NPAS3: variants seen among roughly 807,000 people sequenced by gnomAD.
NPAS3 encodes the protein neuronal PAS domain protein 3.
NPAS3 carries 14 observed loss-of-function variants against 73.1 expected under a neutral mutation model. The observed-to-expected ratio is 0.19, with a 90% CI of 0.13 to 0.30. NPAS3 has a LOEUF of 0.30. Ranked by LOEUF, NPAS3 falls within the 10% of genes least tolerant of loss-of-function variation. NPAS3 has a pLI of 1.00. For synonymous variants in NPAS3, 620 were observed against 541.5 expected (o/e 1.14, Z -2.01); for missense variants, 1,096 against 1,250.0 (o/e 0.88, Z 1.86).
At chr14:33,214,427 T>G (rs2139671736) in intron 2 of NPAS3, 1 of 152,358 alleles carries the variant, frequency 6.6e-6, no homozygotes, top group African/African-American at 2.4e-5. Context: ...CATACAGCGC[T>G]TTATCTTTCA....
At position 33,731,699 on chromosome 14, in the gene NPAS3, C is replaced by T. The variant is rs543658982; in HGVS notation, c.734-3515C>T. ...GTGGAGTAATTCAGATATCATTTCA[C>T]ATTATGGTGGCATTTGCCAACATAA... On this transcript the variant is annotated intron_variant, in intron 6 of 11. Coordinates refer to ENST00000356141, the Ensembl canonical transcript of NPAS3. 2.0e-5 allele frequency among the ~76,000 whole-genome samples: 3 copies of T among 152,288 alleles called. No homozygotes were observed. The South Asian group carries it at 6.2e-4, about 32-fold the overall frequency.
intron 4 of NPAS3, among the ~76,000 whole-genome samples, chr14:33,438,709 G>A (rs2049100726): frequency 6.6e-6 from 1 of 152,094 alleles, no homozygotes; most frequent in Non-Finnish European, 1.5e-5. Flanking sequence ...GCCTCTAACT[G>A]TGGTAATAAA....
At chr14:33,004,660 T>A (rs1424907561) in intron 1 of NPAS3, among the ~76,000 whole-genome samples, 1 of 152,112 alleles carries the variant, frequency 6.6e-6, no homozygotes, top group Non-Finnish European at 1.5e-5. Flanking sequence ...AACCTTAGCT[T>A]ACTATAACTA....
At chr14:33,450,552 A>C (rs567963169) in intron 4 of NPAS3, among the ~76,000 whole-genome samples, 1 of 152,202 alleles carries the variant, frequency 6.6e-6, no homozygotes, top group Non-Finnish European at 1.5e-5. Flanking sequence ...TATGTTCTCA[A>C]TTTTTCAGTT....
chr14:33,022,061 C>T (rs1595249800), intron 1 of NPAS3, among the ~76,000 whole-genome samples: 1 of 152,158 alleles, frequency 6.6e-6, no homozygotes, highest in East Asian at 1.9e-4. Flanking sequence ...GTACTTTTCC[C>T]ACCTTATTCA....
At chr14:33,129,592 A>G (rs1018906015) in intron 2 of NPAS3, among the ~76,000 whole-genome samples, 3 of 152,168 alleles carry the variant, frequency 2.0e-5, no homozygotes, top group Non-Finnish European at 2.9e-5. Flanking sequence ...GATAGTTTGT[A>G]TCTTCCACAC....
intron 3 of NPAS3, among the ~76,000 whole-genome samples, chr14:33,348,471 T>G (rs1315126): frequency 0.89 from 135,680 of 152,160 alleles, 60,797 homozygotes; most frequent in African/African-American, 0.97. Flanking sequence ...CTGAAGAGAG[T>G]GCTAGTCATG....
rs776270084 is a variant in NPAS3, at chr14:33,800,918, A to T, written c.2611A>T (p.Met871Leu). Residue 871 changes from methionine to leucine, a missense_variant, in exon 12 of 12, where the codon ATG becomes TTG. Transcript: ENST00000356141. The surrounding 1 kb of genome is among the most constrained non-coding windows in gnomAD (Gnocchi z 6.5). The stretch of plus-strand genomic sequence containing the variant: ...CCTCGACCCCAAGACGCCCATGGAG[A>T]TGCTCTACCACCACGTGCACCGGCT... The T allele has an allele frequency of 6.2e-7, 1 of 1,608,674 alleles. No homozygotes were observed. Among genetic ancestry groups the T allele is most frequent in the South Asian group, 1.1e-5 (1 of 89,862 alleles).
At chr14:33,687,411 G>A (rs2060120776) in intron 6 of NPAS3, among the ~76,000 whole-genome samples, 1 of 151,924 alleles carries the variant, frequency 6.6e-6, no homozygotes, top group South Asian at 2.1e-4. Context: ...CTCATCAGAG[G>A]GCATCCTCTC....
At chr14:33,748,964 G>T (rs1302468709) in intron 7 of NPAS3, among the ~76,000 whole-genome samples, 1 of 152,156 alleles carries the variant, frequency 6.6e-6, no homozygotes, top group Non-Finnish European at 1.5e-5. Flanking sequence ...AGGCTAGTTT[G>T]AGAATCTGAA....
chr14:33,727,135 G>A (rs2061289169), intron 6 of NPAS3, among the ~76,000 whole-genome samples: 1 of 152,164 alleles, frequency 6.6e-6, no homozygotes, highest in Admixed American at 6.6e-5. Flanking sequence ...TGCCTGAGAT[G>A]GAGATTTGGC....
chr14:33,784,745 A>ATTTTTTTTTTTTATTTTTTTTTTTTT (rs2063103673), intron 9 of NPAS3, among the ~76,000 whole-genome samples: 1 of 73,838 alleles, frequency 1.4e-5, no homozygotes, highest in African/African-American at 6.3e-5. Context: ...TTATTTATTT[A>ATTTTTTTTTTTTATTTTTTTTTTTTT]TTTTTTTTTT....
chr14:33,091,232 T>C (rs148851999), intron 2 of NPAS3, among the ~76,000 whole-genome samples: 15,113 of 152,074 alleles, frequency 0.099, 1,223 homozygotes, highest in African/African-American at 0.22. Flanking sequence ...ACAAAATTGA[T>C]AGACTGCCAG....
chr14:33,291,533 G>T (rs2042099821), intron 3 of NPAS3, among the ~76,000 whole-genome samples: 1 of 152,180 alleles, frequency 6.6e-6, no homozygotes, highest in African/African-American at 2.4e-5. Context: ...TGAAAGAAAT[G>T]AATTTGTAAT....
intron 3 of NPAS3, among the ~76,000 whole-genome samples, chr14:33,348,039 G>C (rs1160236687): frequency 2.6e-5 from 4 of 152,104 alleles, no homozygotes; most frequent in African/African-American, 9.7e-5. Context: ...TTTCCTGCAG[G>C]GGGAGAGAGG....
At chr14:33,561,000 G>A (rs112184144) in intron 5 of NPAS3, among the ~76,000 whole-genome samples, 217 of 152,286 alleles carry the variant, frequency 1.4e-3, no homozygotes, top group African/African-American at 5.0e-3. Flanking sequence ...CTGGGTATTT[G>A]CGCCCATACA....
chr14:33,433,543 C>G lies in NPAS3; in HGVS notation c.468+66275C>G, dbSNP rs142872251. On this transcript the variant is annotated intron_variant, in intron 4 of 11. Transcript: ENST00000356141. ...GACCAGGTAACTTTGAAATGGGCTG[C>G]TGGAATGTTCTCCATACATTTGGAG... Among the ~76,000 whole-genome samples the G allele has an allele frequency of 9.8e-5, 15 of 152,310 alleles. 1 individual carries two copies. In the East Asian group the frequency reaches 2.7e-3, roughly 28 times the overall value.
intron 4 of NPAS3, among the ~76,000 whole-genome samples, chr14:33,433,121 C>A (rs545400070): frequency 5.3e-5 from 8 of 152,172 alleles, no homozygotes; most frequent in East Asian, 3.9e-4. Context: ...AAGAAACTTG[C>A]AAATGTCAGA....
At chr14:33,236,999 TA>T (rs2048056373) in intron 3 of NPAS3, among the ~76,000 whole-genome samples, 1 of 152,114 alleles carries the variant, frequency 6.6e-6, no homozygotes, top group South Asian at 2.1e-4. Context: ...CTGAATTATC[TA>T]AAAAATGAGA....
Sources: allele counts gnomAD v4.1 joint callset (sites outside exome capture counted in the v4.1 genomes callset), GRCh38; gene constraint gnomAD v4.1.1; non-coding constraint Gnocchi (gnomAD v3.1); transcripts MANE v1.5; gene names NCBI Gene and HGNC (gene_info 2026-07-23, HGNC 2026-07-21).